Variants in TMED3 observed in about 807,000 individuals in gnomAD.
TMED3 encodes the protein transmembrane emp24 domain-containing protein 3.
In TMED3, 9 loss-of-function variants were observed where a neutral mutation model predicts 15.0. That is an observed-to-expected ratio of 0.60 (90% CI 0.36 to 1.04). The LOEUF (loss-of-function observed/expected upper bound fraction) is 1.04. Among genes scored for constraint, TMED3 ranks in the 50% least tolerant of loss-of-function variants. The pLI is 0.01. For synonymous variants in TMED3, 117 were observed against 121.4 expected (o/e 0.96, Z 0.24); for missense variants, 267 against 278.9 (o/e 0.96, Z 0.30).
At chr15:79,316,516 A>T (rs1362866176) in intron 2 of TMED3, among the ~76,000 whole-genome samples, 1 of 152,196 alleles carries the variant, frequency 6.6e-6, no homozygotes, top group Non-Finnish European at 1.5e-5. Context: ...GAAGAAGCAG[A>T]TACTTGGGTC....
chr15:79,405,768 T>C (rs1466863433), intron 2 of TMED3, among the ~76,000 whole-genome samples: 2 of 152,202 alleles, frequency 1.3e-5, no homozygotes, highest in Non-Finnish European at 2.9e-5. Context: ...TGGGCCATCA[T>C]GATGCTTTGT....
At chr15:79,337,594 G>A (rs1460227708) in intron 2 of TMED3, among the ~76,000 whole-genome samples, 1 of 152,150 alleles carries the variant, frequency 6.6e-6, no homozygotes, top group African/African-American at 2.4e-5. Flanking sequence ...ATTTTGTCAA[G>A]ACTAGGTGCA....
In TMED3 at chr15:79,410,328, G is replaced by A. The variant is rs1478583234; in HGVS notation, c.418-1072G>A. Among the ~76,000 whole-genome samples, 3 of 152,126 alleles carry A rather than the reference G, an allele frequency of 2.0e-5. No individual in the cohort carries two copies. The East Asian group carries it at 5.8e-4, about 29-fold the overall frequency. On this transcript the variant is annotated intron_variant, in intron 2 of 2. Transcript: ENST00000424155. ...TTCAGGATATTAATAATTGTGAAAA[G>A]ACCCAATTTTTCCCATCGGAATGAA...
chr15:79,311,827 G>A (rs1341567077), intron 1 of TMED3, among the ~76,000 whole-genome samples: 1 of 152,172 alleles, frequency 6.6e-6, no homozygotes, highest in African/African-American at 2.4e-5. Context: ...GCAGCAAGAG[G>A]AAGTGGGCTC....
At chr15:79,355,461 A>G (rs1595898183) in intron 2 of TMED3, among the ~76,000 whole-genome samples, 1 of 152,258 alleles carries the variant, frequency 6.6e-6, no homozygotes, top group African/African-American at 2.4e-5. Context: ...CAAAGGAGTG[A>G]CTCAGCCAGA....
intron 2 of TMED3, among the ~76,000 whole-genome samples, chr15:79,410,275 G>A (rs1347643486): frequency 6.6e-6 from 1 of 152,084 alleles, no homozygotes; most frequent in Non-Finnish European, 1.5e-5. Context: ...TAGAAAACTA[G>A]GTAAAATGAC....
At chr15:79,356,151 A>C (rs2058917984) in intron 2 of TMED3, among the ~76,000 whole-genome samples, 1 of 152,268 alleles carries the variant, frequency 6.6e-6, no homozygotes, top group South Asian at 2.1e-4. Context: ...ACCCAGCATC[A>C]ATATGTGTCC....
At chr15:79,398,485 T>C (rs58432396) in intron 2 of TMED3, among the ~76,000 whole-genome samples, 5,048 of 152,148 alleles carry the variant, frequency 0.033, 270 homozygotes, top group African/African-American at 0.11. Context: ...GTGGTGTAGT[T>C]TGACGGCCTT....
At chr15:79,331,935 CTT>C (rs966679882) in intron 2 of TMED3, among the ~76,000 whole-genome samples, 1 of 152,114 alleles carries the variant, frequency 6.6e-6, no homozygotes, top group Non-Finnish European at 1.5e-5. Context: ...AAAGGGAACT[CTT>C]ATACACTGTG....
intron 2 of TMED3, among the ~76,000 whole-genome samples, chr15:79,317,133 C>G (rs2058743894): frequency 6.6e-6 from 1 of 152,144 alleles, no homozygotes; most frequent in African/African-American, 2.4e-5. Flanking sequence ...TGCTCCGTTA[C>G]CCTCTTGGAA....
At chr15:79,362,420 A>G (rs551702483) in intron 2 of TMED3, among the ~76,000 whole-genome samples, 1 of 152,078 alleles carries the variant, frequency 6.6e-6, no homozygotes, top group East Asian at 1.9e-4. Flanking sequence ...TGGGAGGTTG[A>G]GGCTGTATGA....
Position 79,322,040 on chromosome 15 carries a change from T to G in TMED3, c.480T>G (p.His160Gln), listed in dbSNP as rs199908483. ...ALKTVIDSQT[H>Q]YRLREAQDRA... ...AAACGGTGATTGACTCCCAGACGCA[T>G]TACCGGCTGCGGGAGGCCCAGGACC... The change falls in exon 3 of 3, where the codon CAT (histidine) becomes CAG (glutamine). Residue 160 changes from histidine (H) to glutamine (Q), a missense_variant. His to Gln is a conservative substitution (Grantham distance 24, BLOSUM62 0). Around this residue, in one of 3 missense-constraint regions of TMED3, gnomAD observed 139 missense variants for 125.0 expected, o/e 1.11. Transcript: ENST00000299705. The G allele has an allele frequency of 8.2e-5, 133 of 1,614,218 alleles. No individual in the cohort carries two copies. In the East Asian group the frequency reaches 2.9e-3, roughly 35 times the overall value.
At chr15:79,332,561 T>C (rs1294401831) in intron 2 of TMED3, among the ~76,000 whole-genome samples, 1 of 152,242 alleles carries the variant, frequency 6.6e-6, no homozygotes, top group African/African-American at 2.4e-5. Context: ...CCATAGTTTA[T>C]TGCCATCAGG....
intron 2 of TMED3, among the ~76,000 whole-genome samples, chr15:79,363,116 A>T (rs1252931669): frequency 2.0e-5 from 3 of 152,218 alleles, no homozygotes; most frequent in Non-Finnish European, 4.4e-5. Flanking sequence ...ACAATGGACT[A>T]GTGAATAAAT....
intron 2 of TMED3, chr15:79,383,100 T>C: frequency 7.1e-7 from 1 of 1,411,826 alleles, no homozygotes; most frequent in East Asian, 2.5e-5. Context: ...TGCCTGTAGA[T>C]CGCCAGGTAC....
At chr15:79,379,727 C>T (rs2141248774) in intron 2 of TMED3, among the ~76,000 whole-genome samples, 1 of 152,148 alleles carries the variant, frequency 6.6e-6, no homozygotes, top group African/African-American at 2.4e-5. Context: ...AATTATTAAT[C>T]ACATTAGATA....
intron 2 of TMED3, among the ~76,000 whole-genome samples, chr15:79,379,774 G>A (rs1340366635): frequency 1.3e-5 from 2 of 152,136 alleles, no homozygotes; most frequent in Admixed American, 6.6e-5. Flanking sequence ...TAATGAAAGT[G>A]TATAAATGAA....
chr15:79,357,744 A>C (rs2058925214), intron 2 of TMED3, among the ~76,000 whole-genome samples: 1 of 152,146 alleles, frequency 6.6e-6, no homozygotes, highest in South Asian at 2.1e-4. Context: ...AGTTGGAAGA[A>C]CACTGGCTGG....
At position 79,322,453 on chromosome 15, in the gene TMED3, C is replaced by G. The variant is rs1364970585; in HGVS notation, c.*239C>G. The G allele has an allele frequency of 7.4e-7, 1 of 1,347,812 alleles. No homozygotes were observed. The highest frequency in any genetic ancestry group is 9.5e-7 in the Non-Finnish European group (1 of 1,050,512). 83.5% of individuals were successfully genotyped at this position (1,347,812 alleles called of 1,614,324 possible). A position where few individuals can be genotyped will look rare whatever the true frequency, so the allele number is the denominator to read the frequency against. The stretch of plus-strand genomic sequence containing the variant: ...TGCAGCGCTGAAAAGACATTTACAA[C>G]TAGGCCAGGGATTAGCCACTGTGGG... On this transcript the variant is annotated 3_prime_UTR_variant, in exon 3 of 3. Transcript: ENST00000299705.
Sources: allele counts gnomAD v4.1 joint callset (sites outside exome capture counted in the v4.1 genomes callset), GRCh38; gene constraint gnomAD v4.1.1; regional missense constraint gnomAD v4.1.1; transcripts MANE v1.5; gene names NCBI Gene and HGNC (gene_info 2026-07-23, HGNC 2026-07-21).